The following LPP variants were observed in gnomAD, a reference collection of about 807,000 sequenced individuals.
LPP encodes LIM domain containing preferred translocation partner in lipoma.
A neutral mutation model predicts 60.4 loss-of-function variants in LPP; 38 were observed. The observed-to-expected ratio is 0.63, with a 90% CI of 0.49 to 0.83. The LOEUF is 0.83. LPP is among the 40% of genes least tolerant of loss of function. The pLI is 0.00. For synonymous variants in LPP, 328 were observed against 290.8 expected, an observed-to-expected ratio of 1.13 and a Z score of -1.30; for missense variants, 902 against 783.6, an observed-to-expected ratio of 1.15 and a Z score of -1.80.
At chr3:188,582,964 C>T (rs761804745) in intron 6 of LPP, among the ~76,000 whole-genome samples, 15 of 152,188 alleles carry the variant, frequency 9.9e-5, no homozygotes, top group African/African-American at 3.4e-4. Context: ...ATCCCCCTAA[C>T]GGGTTTCCTT....
chr3:188,254,323 G>A (rs1457292697), intron 2 of LPP, among the ~76,000 whole-genome samples: 1 of 152,106 alleles, frequency 6.6e-6, no homozygotes, highest in African/African-American at 2.4e-5. Context: ...GTTCCAAGAT[G>A]GCCTTACTTT....
intron 5 of LPP, among the ~76,000 whole-genome samples, chr3:188,504,776 A>C (rs1299263499): frequency 2.6e-5 from 4 of 150,958 alleles, no homozygotes; most frequent in African/African-American, 9.7e-5. Flanking sequence ...AAAATGAGAA[A>C]AAGTAAAAAA....
intron 6 of LPP, among the ~76,000 whole-genome samples, chr3:188,560,351 T>C (rs1830391464): frequency 6.6e-6 from 1 of 152,096 alleles, no homozygotes; most frequent in Admixed American, 6.6e-5. Flanking sequence ...TTCTATGCAA[T>C]TCAGTGAGGT....
chr3:188,155,536 C>T (rs531140066), intron 1 of LPP, among the ~76,000 whole-genome samples: 12 of 152,328 alleles, frequency 7.9e-5, no homozygotes, highest in Admixed American at 5.2e-4. Flanking sequence ...CCCATCCTCC[C>T]CCTTCCTCAA....
intron 5 of LPP, among the ~76,000 whole-genome samples, chr3:188,502,209 C>T (rs754073527): frequency 7.2e-5 from 11 of 152,082 alleles, no homozygotes; most frequent in Admixed American, 2.0e-4. Context: ...AAAAGTTGGA[C>T]GTTGAAATCT....
chr3:188,454,577 G>A (rs1021747791), intron 4 of LPP, among the ~76,000 whole-genome samples: 10 of 152,072 alleles, frequency 6.6e-5, no homozygotes, highest in African/African-American at 1.9e-4. Context: ...TCATTTTCAC[G>A]CTGCTGATAA....
Position 188,798,103 on chromosome 3 carries a change from G to GC in LPP, c.1410+37821_1410+37822insC, listed in dbSNP as rs1745915672. On this transcript the variant is annotated intron_variant, in intron 9 of 11. Transcript: ENST00000617246. The stretch of plus-strand genomic sequence containing the variant: ...ATATCCTTCATACATTTGTATGTCT[G>GC]TGTTGACATTGAATGTTTGCATGAC... Among the ~76,000 whole-genome samples, 3 of 89,254 alleles carry GC rather than the reference G, an allele frequency of 3.4e-5. No individual in the cohort carries two copies. The South Asian group carries it at 1.6e-3, about 47-fold the overall frequency. The allele number at this position is 89,254 out of a possible 152,430, so 58.6% of individuals were successfully genotyped here.
chr3:188,303,713 A>G (rs1285468050), intron 2 of LPP, among the ~76,000 whole-genome samples: 1 of 152,190 alleles, frequency 6.6e-6, no homozygotes, highest in African/African-American at 2.4e-5. Flanking sequence ...GATGTTTTAT[A>G]ACAGGAGTTT....
intron 9 of LPP, among the ~76,000 whole-genome samples, chr3:188,789,244 A>G (rs1056467046): frequency 2.6e-5 from 4 of 152,208 alleles, no homozygotes; most frequent in Non-Finnish European, 5.9e-5. Flanking sequence ...AGTGTGACAC[A>G]CTTTATTCAA....
At chr3:188,714,096 T>G (rs745672911) in intron 8 of LPP, among the ~76,000 whole-genome samples, 2 of 152,158 alleles carry the variant, frequency 1.3e-5, no homozygotes, top group Non-Finnish European at 2.9e-5. Context: ...AAATAGAGAT[T>G]CAGAGAGGCT....
chr3:188,423,018 T>A (rs923913458), intron 4 of LPP, among the ~76,000 whole-genome samples: 2 of 151,680 alleles, frequency 1.3e-5, no homozygotes, highest in Non-Finnish European at 2.9e-5. Context: ...GTTACATAGG[T>A]ATACACATGC....
intron 3 of LPP, among the ~76,000 whole-genome samples, chr3:188,399,783 G>A (rs1048159315): frequency 6.6e-6 from 1 of 152,166 alleles, no homozygotes; most frequent in African/African-American, 2.4e-5. Context: ...TGATGTAACG[G>A]TTGTTTGTTT....
At chr3:188,459,047 C>T (rs1197704996) in intron 4 of LPP, among the ~76,000 whole-genome samples, 1 of 152,040 alleles carries the variant, frequency 6.6e-6, no homozygotes, top group Admixed American at 6.6e-5. Flanking sequence ...TGTACTGAAG[C>T]CCAAACAACT....
intron 4 of LPP, among the ~76,000 whole-genome samples, chr3:188,428,323 C>G (rs1238889178): frequency 6.6e-6 from 1 of 152,164 alleles, no homozygotes; most frequent in African/African-American, 2.4e-5. Context: ...CTGAGTTGAT[C>G]TCTCTGGGAG....
intron 9 of LPP, among the ~76,000 whole-genome samples, chr3:188,806,533 A>T (rs1406674647): frequency 6.6e-6 from 1 of 151,816 alleles, no homozygotes; most frequent in Non-Finnish European, 1.5e-5. Context: ...TGTTTACACT[A>T]TTTACATTTG....
rs909230835 is a variant in LPP at position 188,877,009 on chromosome 3, T to C, written c.*2530T>C. 5.7e-6 allele frequency: 1 copy of C among 176,032 alleles called. No homozygotes were observed. The highest frequency in any genetic ancestry group is 2.4e-5 in the African/African-American group (1 of 42,234). 10.9% of individuals were successfully genotyped at this position (176,032 alleles called of 1,614,324 possible). On this transcript the variant is annotated 3_prime_UTR_variant, in exon 12 of 12. Coordinates refer to ENST00000617246, the MANE Select transcript of LPP (RefSeq NM_001375462.1). ...AAATCTCTTTTTAAGATAGACTTAT[T>C]CTTTTATAATAATGAATGTGCACTC... is the stretch of plus-strand genomic sequence containing the variant.
In LPP at chr3:188,555,269, G is replaced by T. The variant is rs576788811; in HGVS notation, c.429+30482G>T. Among the ~76,000 whole-genome samples, 13 of 152,040 alleles carry T rather than the reference G, an allele frequency of 8.6e-5. 1 individual carries two copies. In the South Asian group the frequency reaches 2.7e-3, roughly 32 times the overall value. The stretch of plus-strand genomic sequence containing the variant: ...AAATAAGGTTAGGGAGGTAGCAGGG[G>T]CCCTCATGATCACATAGAACCTCAT... On this transcript the variant is annotated intron_variant, in intron 6 of 11. Transcript: ENST00000617246.
intron 9 of LPP, among the ~76,000 whole-genome samples, chr3:188,780,201 A>G (rs1739199164): frequency 6.6e-6 from 1 of 152,180 alleles, no homozygotes; most frequent in Admixed American, 6.5e-5. Context: ...CCTTCTTCCA[A>G]ACTATATACA....
intron 8 of LPP, chr3:188,710,312 G>A (rs750351671): frequency 8.5e-5 from 13 of 152,136 alleles, no homozygotes; most frequent in Admixed American, 3.3e-4. Context: ...GAAACATCTG[G>A]TTGTGGTCTC....
Sources: gnomAD v4.1 joint callset for allele counts (sites outside exome capture counted in the v4.1 genomes callset) on GRCh38, gnomAD v4.1.1 for gene constraint, MANE v1.5 for transcripts, NCBI Gene and HGNC (gene_info 2026-07-23, HGNC 2026-07-21) for gene names.